Variants in CDK12 observed in about 807,000 individuals in gnomAD.
CDK12 encodes cyclin-dependent kinase 12.
In CDK12, 17 loss-of-function variants were observed where a neutral mutation model predicts 133.8. The observed-to-expected ratio is 0.13, with a 90% CI of 0.09 to 0.19. The LOEUF is 0.19. Ranked by LOEUF, CDK12 falls within the 10% of genes least tolerant of loss-of-function variation. CDK12 has a pLI of 1.00. For missense variants in CDK12, 1,508 were observed against 1,818.7 expected, an observed-to-expected ratio of 0.83 and a Z score of 3.11; for synonymous variants, 694 against 683.6, an observed-to-expected ratio of 1.02 and a Z score of -0.24.
intron 2 of CDK12, among the ~76,000 whole-genome samples, chr17:39,555,204 C>T (rs564847364): frequency 6.6e-6 from 1 of 152,228 alleles, no homozygotes; most frequent in African/African-American, 2.4e-5. Context: ...GAGATCGCAC[C>T]ACTGCACCAC....
At chr17:39,535,387 GTT>G (rs2055086708), downstream of CDK12, among the ~76,000 whole-genome samples, 1 of 152,192 alleles carries the variant, frequency 6.6e-6, no homozygotes, top group South Asian at 2.1e-4. Flanking sequence ...TTGCTAACCT[GTT>G]TTTGAATCCT....
intron 6 of CDK12, among the ~76,000 whole-genome samples, chr17:39,506,012 A>G (rs1271473889): frequency 6.6e-6 from 1 of 152,136 alleles, no homozygotes; most frequent in Non-Finnish European, 1.5e-5. Flanking sequence ...TCACTGAAAA[A>G]GGTCATTTAC....
At chr17:39,551,457 G>A (rs1277125873) in intron 2 of CDK12, among the ~76,000 whole-genome samples, 4 of 151,616 alleles carry the variant, frequency 2.6e-5, no homozygotes, top group Admixed American at 2.6e-4. Flanking sequence ...TAACCAAGAA[G>A]CAAATCCCCC....
Position 39,542,802 on chromosome 17 carries a change from A to G in CDK12, c.451-1447A>G, listed in dbSNP as rs182621840. 3.3e-3 allele frequency among the ~76,000 whole-genome samples: 496 copies of G among 152,316 alleles called. 1 individual carries two copies. Among genetic ancestry groups the G allele is most frequent in the Non-Finnish European group, 4.9e-3 (334 of 68,022 alleles). ...TGAGATTACAGGCGTGAGCCACTGC[A>G]CCCAGTCTAAGAATAATCTTTCAAT... On this transcript the variant is annotated intron_variant and NMD_transcript_variant, in intron 1 of 4. Transcript: ENST00000559663.
At position 39,533,883 on chromosome 17, in the gene CDK12, A is replaced by G; in HGVS notation, c.*2567A>G. The G allele has an allele frequency of 8.6e-6, 2 of 232,366 alleles. No individual in the cohort carries two copies. Among genetic ancestry groups the G allele is most frequent in the Non-Finnish European group, 8.5e-6 (1 of 117,424 alleles). The allele number at this position is 232,366 out of a possible 1,614,324, so 14.4% of individuals were successfully genotyped here. ...TTTTTCAGTTACGTTATCTATAAAC[A>G]TGATGGAAGTAAAGGTTTGGCAGAA... is the stretch of plus-strand genomic sequence containing the variant. On this transcript the variant is annotated 3_prime_UTR_variant, in exon 14 of 14. Coordinates refer to ENST00000447079, the MANE Select transcript of CDK12 (RefSeq NM_016507.4).
chr17:39,496,279 G>A (rs889440896), intron 5 of CDK12, among the ~76,000 whole-genome samples: 6 of 152,002 alleles, frequency 3.9e-5, no homozygotes, highest in Middle Eastern at 3.2e-3. Flanking sequence ...AGGTTATTTC[G>A]TGTTGTATAA....
At chr17:39,529,850 ACTGCTATAGTGATTTTTTT>A (rs2054719284) in intron 13 of CDK12, 1 of 124,564 alleles carries the variant, frequency 8.0e-6, no homozygotes, top group African/African-American at 2.6e-5. Context: ...TCTGCATGAC[ACTGCTATAGTGATTTTTTT>A]TTCATAGCAT....
intron 6 of CDK12, among the ~76,000 whole-genome samples, chr17:39,503,423 G>C (rs939693131): frequency 2.0e-5 from 3 of 152,128 alleles, no homozygotes; most frequent in African/African-American, 7.2e-5. Flanking sequence ...TCCCAGTAAA[G>C]TTGGAAGTGG....
intron 2 of CDK12, among the ~76,000 whole-genome samples, chr17:39,473,033 G>A (rs898969229): frequency 1.3e-5 from 2 of 151,606 alleles, no homozygotes; most frequent in African/African-American, 4.8e-5. Context: ...TCGAAATCGC[G>A]CCGCTGTACT....
intron 1 of CDK12, among the ~76,000 whole-genome samples, chr17:39,463,472 A>G (rs1176134472): frequency 1.3e-5 from 2 of 152,152 alleles, no homozygotes; most frequent in Admixed American, 6.6e-5. Flanking sequence ...TTTAAAAATC[A>G]CATTGGTATT....
At chr17:39,486,270 T>C (rs1393002492) in intron 2 of CDK12, among the ~76,000 whole-genome samples, 3 of 148,954 alleles carry the variant, frequency 2.0e-5, no homozygotes, top group African/African-American at 7.5e-5. Context: ...TTTTTTTTTT[T>C]TTTTTCTGTG....
At chr17:39,499,588 C>T (rs1054978742) in intron 5 of CDK12, among the ~76,000 whole-genome samples, 1 of 151,108 alleles carries the variant, frequency 6.6e-6, no homozygotes, top group Non-Finnish European at 1.5e-5. Context: ...CAGCTCACTG[C>T]GACCTCTGCC....
At chr17:39,539,025 A>G (rs972873182), downstream of CDK12, among the ~76,000 whole-genome samples, 1 of 152,184 alleles carries the variant, frequency 6.6e-6, no homozygotes, top group Non-Finnish European at 1.5e-5. Context: ...CTCTAACCAC[A>G]CAGGGCTAAA....
intron 13 of CDK12, among the ~76,000 whole-genome samples, chr17:39,527,157 G>A (rs1009838030): frequency 2.0e-5 from 3 of 152,186 alleles, no homozygotes; most frequent in African/African-American, 7.2e-5. Flanking sequence ...GAGGCTCGAG[G>A]GCTGAAGAGA....
Position 39,462,990 on chromosome 17 carries a change from A to G in CDK12, c.919A>G (p.Arg307Gly), listed in dbSNP as rs748346154. 1.9e-6 allele frequency: 3 copies of G among 1,614,178 alleles called. No homozygotes were observed. The East Asian group carries it at 6.7e-5, about 36-fold the overall frequency. The part of the protein sequence containing the change: ...RRQRSVSPYS[R>G]RRSSSYERSG... ...ACAGAGATCTGTCAGTCCCTATAGC[A>G]GGAGACGGTCGTCCAGCTACGAAAG... is the stretch of plus-strand genomic sequence containing the variant. Residue 307 changes from arginine to glycine, a missense_variant, in exon 1 of 14, where the codon AGG (arginine) becomes GGG (glycine). Physicochemically the swap from Arg to Gly is moderately radical, Grantham distance 125 (BLOSUM62 -2). Transcript: ENST00000447079.
chr17:39,503,353 G>A (rs2018026), intron 6 of CDK12, among the ~76,000 whole-genome samples: 96,185 of 152,092 alleles, frequency 0.63, 33,078 homozygotes, highest in South Asian at 0.89. Flanking sequence ...TATTACAAGC[G>A]TGAGCCACTG....
intron 13 of CDK12, chr17:39,529,795 C>T (rs1436525810): frequency 6.6e-6 from 1 of 152,118 alleles, no homozygotes; most frequent in Non-Finnish European, 1.5e-5. Context: ...ATATTTAGTT[C>T]TTGTCACCGT....
intron 8 of CDK12, among the ~76,000 whole-genome samples, chr17:39,513,658 C>T (rs931942453): frequency 1.3e-5 from 2 of 152,174 alleles, no homozygotes; most frequent in South Asian, 2.1e-4. Flanking sequence ...AAGATGTCTT[C>T]CCACCAAAGG....
At position 39,471,468 on chromosome 17, in the gene CDK12, C is replaced by T. The variant is rs1361723983; in HGVS notation, c.1636C>T (p.Pro546Ser). The change falls in exon 2 of 14, where the codon CCT becomes TCT. Residue 546 changes from proline to serine, a missense_variant. Physicochemically the swap from Pro to Ser is moderately conservative, Grantham distance 74. Around this residue, in one of 9 missense-constraint regions of CDK12, gnomAD observed 347 missense variants for 330.8 expected, o/e 1.05. Transcript: ENST00000447079. ...PPPLPTTTPP[P>S]QTPPLPPLPP... is the part of the protein sequence containing the mutation. Reference sequence around the variant, plus strand: ...CCCTCTACCAACTACTACCCCTCCACCTCAGACACCCCCTTTGCCACCTTT... The same window carrying T: ...CCCTCTACCAACTACTACCCCTCCATCTCAGACACCCCCTTTGCCACCTTT... 1 of 1,613,572 alleles carries T rather than the reference C, an allele frequency of 6.2e-7. No homozygotes were observed. The highest frequency in any genetic ancestry group is 1.1e-5 in the South Asian group (1 of 91,054).
Sources: allele counts gnomAD v4.1 joint callset (sites outside exome capture counted in the v4.1 genomes callset), GRCh38; gene constraint gnomAD v4.1.1; regional missense constraint gnomAD v4.1.1; transcripts MANE v1.5; gene names NCBI Gene and HGNC (gene_info 2026-07-23, HGNC 2026-07-21).